Variants in PTPN14 observed in about 807,000 individuals in gnomAD.
PTPN14 encodes protein tyrosine phosphatase non-receptor type 14.
PTPN14 carries 53 observed loss-of-function variants against 126.8 expected under a neutral mutation model. That is an observed-to-expected ratio of 0.42 (90% CI 0.34 to 0.53). PTPN14 has a LOEUF of 0.53. PTPN14 is among the 20% of genes least tolerant of loss of function. The pLI, the probability that PTPN14 is intolerant of heterozygous loss-of-function variation, is 0.08. For missense variants in PTPN14, 1,257 were observed against 1,552.9 expected, an observed-to-expected ratio of 0.81 and a Z score of 3.20; for synonymous variants, 630 against 599.3, an observed-to-expected ratio of 1.05 and a Z score of -0.75.
chr1:214,377,995 A>C lies in PTPN14; in HGVS notation c.2652T>G (p.Asn884Lys). Residue 884 changes from asparagine (N) to lysine (K), a missense_variant, in exon 14 of 19, where the codon AAT (asparagine) becomes AAG (lysine). By Grantham distance (94) the Asn-to-Lys change is moderately conservative. Transcript: ENST00000366956. The part of the protein sequence containing the change: ...SVARVSGREE[N>K]RVDATRVPMD... ...TGGGAACCCGGGTGGCATCAACTCG[A>C]TTCTCTTCCCGCCCTGAGACTCGAG... 6.2e-7 allele frequency: 1 copy of C among 1,613,194 alleles called. No homozygotes were observed. Among genetic ancestry groups the C allele is most frequent in the Non-Finnish European group, 8.5e-7 (1 of 1,179,802 alleles).
At chr1:214,483,588 C>T (rs892252723) in intron 1 of PTPN14, among the ~76,000 whole-genome samples, 2 of 152,286 alleles carry the variant, frequency 1.3e-5, no homozygotes. Context: ...GACTCTACTG[C>T]TAATTTAATC....
chr1:214,349,597 T>C lies in PTPN14; in HGVS notation c.*8325A>G, dbSNP rs115358553. 328 of 152,328 alleles carry C rather than the reference T, an allele frequency of 2.2e-3. 1 individual carries two copies. Among genetic ancestry groups the C allele is most frequent in the African/African-American group, 7.5e-3 (311 of 41,560 alleles). The allele number at this position is 152,328 out of a possible 1,614,324, so 9.4% of individuals were successfully genotyped here. On this transcript the variant is annotated 3_prime_UTR_variant, in exon 19 of 19. Transcript: ENST00000366956. ...TTGATGTAACACAAGTTACATAAGG[T>C]TACACATTTATTAGTAATTTGCATA...
chr1:214,482,352 GA>G (rs1181382994), intron 1 of PTPN14, among the ~76,000 whole-genome samples: 1 of 152,070 alleles, frequency 6.6e-6, no homozygotes, highest in Admixed American at 6.6e-5. Flanking sequence ...TAAACTAAGA[GA>G]AAAAAGTCAT....
At chr1:214,403,039 A>G (rs1187851396) in intron 5 of PTPN14, 86 bp from the exon 6 acceptor site, 1 of 1,326,668 alleles carries the variant, frequency 7.5e-7, no homozygotes, top group African/African-American at 1.5e-5. Context: ...CCTTCCTCAG[A>G]TGTTCCTGAT....
chr1:214,512,842 C>A (rs1312415109), intron 1 of PTPN14, among the ~76,000 whole-genome samples: 1 of 152,146 alleles, frequency 6.6e-6, no homozygotes, highest in African/African-American at 2.4e-5. Context: ...AGGCGCACAT[C>A]ATCATGCCCG....
intron 1 of PTPN14, among the ~76,000 whole-genome samples, chr1:214,469,411 C>T (rs1660706078): frequency 6.6e-6 from 1 of 152,146 alleles, no homozygotes; most frequent in African/African-American, 2.4e-5. Context: ...ATAAAATGGA[C>T]TTGATGTGAA....
intron 1 of PTPN14, among the ~76,000 whole-genome samples, chr1:214,496,047 G>T (rs1008774371): frequency 6.6e-6 from 1 of 152,020 alleles, no homozygotes. Flanking sequence ...AACACTTCAT[G>T]TTTCTTTTCT....
chr1:214,363,099 G>A (rs1199865761), intron 18 of PTPN14, among the ~76,000 whole-genome samples: 1 of 152,180 alleles, frequency 6.6e-6, no homozygotes, highest in Non-Finnish European at 1.5e-5. Context: ...ATCCTATGTG[G>A]GGCAAAATGG....
At chr1:214,406,127 T>A (rs1659164416) in intron 5 of PTPN14, among the ~76,000 whole-genome samples, 1 of 152,184 alleles carries the variant, frequency 6.6e-6, no homozygotes, top group African/African-American at 2.4e-5. Flanking sequence ...ACGAAAGTGT[T>A]CCATATCTGA....
intron 4 of PTPN14, 28 bp downstream of exon 4, chr1:214,414,601 T>C: frequency 6.3e-7 from 1 of 1,582,904 alleles, no homozygotes; most frequent in Non-Finnish European, 8.7e-7. Context: ...AAATGGAATT[T>C]CACATGCTGC....
chr1:214,443,831 C>T (rs1272118159), intron 3 of PTPN14, among the ~76,000 whole-genome samples: 3 of 152,194 alleles, frequency 2.0e-5, no homozygotes, highest in African/African-American at 7.2e-5. Context: ...GACATTTGCC[C>T]TTGGGTTTCA....
At chr1:214,523,968 G>A (rs370079714) in intron 1 of PTPN14, among the ~76,000 whole-genome samples, 1 of 150,788 alleles carries the variant, frequency 6.6e-6, no homozygotes, top group African/African-American at 2.4e-5. Context: ...TCCTGCCTCA[G>A]CCTCCCAAGT....
At chr1:214,515,061 A>G (rs1655066997) in intron 1 of PTPN14, among the ~76,000 whole-genome samples, 1 of 152,124 alleles carries the variant, frequency 6.6e-6, no homozygotes, top group Non-Finnish European at 1.5e-5. Context: ...TCCTCCTATT[A>G]CATCTTCTAA....
intron 1 of PTPN14, among the ~76,000 whole-genome samples, chr1:214,485,235 G>A (rs961830284): frequency 1.1e-4 from 17 of 152,220 alleles, no homozygotes; most frequent in Admixed American, 9.8e-4. Flanking sequence ...ACTGTGTTTC[G>A]TATTTTTATT....
chr1:214,418,852 G>C (rs984407234), intron 3 of PTPN14, among the ~76,000 whole-genome samples: 3 of 152,214 alleles, frequency 2.0e-5, no homozygotes, highest in Non-Finnish European at 4.4e-5. Context: ...AGGGAAAGAA[G>C]ACTGAGTTAT....
intron 1 of PTPN14, among the ~76,000 whole-genome samples, chr1:214,490,845 GAAA>G (rs1558126996): frequency 1.4e-4 from 7 of 51,668 alleles, no homozygotes; most frequent in African/African-American, 1.8e-4. Context: ...GAAAGGAAAG[GAAA>G]GGAAGGGAAG....
intron 15 of PTPN14, among the ~76,000 whole-genome samples, chr1:214,374,125 C>T (rs1308386930): frequency 1.3e-5 from 2 of 152,184 alleles, no homozygotes; most frequent in Non-Finnish European, 2.9e-5. Flanking sequence ...ATTGCAAAGT[C>T]AGGTCCCTTC....
At position 214,365,611 on chromosome 1, in the gene PTPN14, T is replaced by C. The variant is rs370495967; in HGVS notation, c.3272-936A>G. 9.8e-5 allele frequency among the ~76,000 whole-genome samples: 15 copies of C among 152,322 alleles called. No individual in the cohort carries two copies. In the East Asian group the frequency reaches 2.7e-3, roughly 27 times the overall value. On this transcript the variant is annotated intron_variant, in intron 17 of 18. Transcript: ENST00000366956. ...TAAACCAGACTATAGGGGAAATGTT[T>C]ACATTGTTGAAGAGAAAAAAGTAGG...
At chr1:214,409,838 C>T (rs1410004404) in intron 5 of PTPN14, among the ~76,000 whole-genome samples, 1 of 152,154 alleles carries the variant, frequency 6.6e-6, no homozygotes, top group African/African-American at 2.4e-5. Context: ...TTTTTGATAA[C>T]AGCCAATCCA....
Sources: gnomAD v4.1 joint callset for allele counts (sites outside exome capture counted in the v4.1 genomes callset) on GRCh38, gnomAD v4.1.1 for gene constraint, MANE v1.5 for transcripts, NCBI Gene and HGNC (gene_info 2026-07-23, HGNC 2026-07-21) for gene names.